The following BANK1 variants were observed in gnomAD, a reference collection of about 807,000 sequenced individuals.
BANK1 encodes the protein B-cell scaffold protein with ankyrin repeats.
BANK1 carries 95 observed loss-of-function variants against 94.5 expected under a neutral mutation model. The ratio of observed to expected loss-of-function variants is 1.00; its 90% confidence interval spans 0.85 to 1.19. The LOEUF is 1.19. BANK1 is among the 50% of genes most tolerant of loss of function. The probability of loss-of-function intolerance (pLI) is 0.00; values close to 1 mark genes in which losing one functional copy is unlikely to be tolerated. For missense variants in BANK1, 987 were observed against 932.2 expected (o/e 1.06, Z -0.77); for synonymous variants, 334 against 308.4 (o/e 1.08, Z -0.87).
At chr4:101,988,039 T>A (rs1466571271) in intron 7 of BANK1, among the ~76,000 whole-genome samples, 2 of 152,176 alleles carry the variant, frequency 1.3e-5, no homozygotes, top group Non-Finnish European at 2.9e-5. Context: ...CACATCACAG[T>A]GACACATTGA....
At chr4:102,036,840 G>A (rs1313768005) in intron 10 of BANK1, 3 of 152,136 alleles carry the variant, frequency 2.0e-5, no homozygotes, top group African/African-American at 7.2e-5. Context: ...CAGACCATCT[G>A]TTAGCATGTT....
intron 6 of BANK1, among the ~76,000 whole-genome samples, chr4:101,899,295 G>A (rs990707588): frequency 2.0e-5 from 3 of 152,124 alleles, no homozygotes; most frequent in African/African-American, 7.2e-5. Context: ...AGGGATTGAT[G>A]TATACATAAG....
chr4:101,809,013 A>G (rs566218265), intron 1 of BANK1, among the ~76,000 whole-genome samples: 1 of 152,290 alleles, frequency 6.6e-6, no homozygotes, highest in Non-Finnish European at 1.5e-5. Flanking sequence ...ACCCAAAGGA[A>G]AAGAAGTCAT....
intron 3 of BANK1, among the ~76,000 whole-genome samples, chr4:101,855,514 T>C (rs1019236666): frequency 5.3e-5 from 8 of 152,220 alleles, no homozygotes; most frequent in African/African-American, 1.7e-4. Flanking sequence ...CACTGGATGA[T>C]AGTTGAATTA....
chr4:101,976,856 C>G (rs1410286526), intron 7 of BANK1: 2 of 152,064 alleles, frequency 1.3e-5, no homozygotes, highest in African/African-American at 4.8e-5. Flanking sequence ...ATTTTGTATG[C>G]AAGCTGAATC....
chr4:102,062,106 T>C (rs1008115056), intron 12 of BANK1: 2 of 152,210 alleles, frequency 1.3e-5, no homozygotes, highest in African/African-American at 4.8e-5. Flanking sequence ...TGGAAAAGTA[T>C]TTGTTTGTAT....
rs199632800 is a variant in BANK1 at position 102,055,948 on chromosome 4, G to GA, written c.1970-4254dup. ...GAAGAATTGAAAGGTAATCACTTGGGAAAAAAAAAGATTAGGGCAGGACTA... is the reference window on the plus strand; with the variant it reads ...GAAGAATTGAAAGGTAATCACTTGGGAAAAAAAAAAGATTAGGGCAGGACTA... On this transcript the variant is annotated intron_variant, in intron 11 of 16. Transcript: ENST00000322953. 5.9e-3 allele frequency among the ~76,000 whole-genome samples: 883 copies of GA among 150,546 alleles called. 24 individuals are homozygous for GA. In the East Asian group the frequency reaches 0.066, roughly 11 times the overall value.
At chr4:101,845,169 T>C (rs1578352100) in intron 2 of BANK1, among the ~76,000 whole-genome samples, 1 of 152,256 alleles carries the variant, frequency 6.6e-6, no homozygotes, top group Admixed American at 6.5e-5. Context: ...GATGTGATTA[T>C]TATGTATTGC....
intron 7 of BANK1, among the ~76,000 whole-genome samples, chr4:101,986,853 ATG>A (rs1560668244): frequency 1.3e-4 from 9 of 68,488 alleles, no homozygotes; most frequent in African/African-American, 4.6e-4. Context: ...GTGTATATAT[ATG>A]TATATATATA....
At chr4:102,037,269 T>C (rs2148953581) in intron 10 of BANK1, among the ~76,000 whole-genome samples, 1 of 152,298 alleles carries the variant, frequency 6.6e-6, no homozygotes, top group South Asian at 2.1e-4. Context: ...GACAGCCCCA[T>C]AACAAAGAAT....
intron 5 of BANK1, among the ~76,000 whole-genome samples, chr4:101,882,189 AAT>A (rs929469398): frequency 6.6e-6 from 1 of 152,114 alleles, no homozygotes; most frequent in East Asian, 1.9e-4. Context: ...GTCCCCCATA[AAT>A]ATATATACCT....
At chr4:102,011,171 A>C (rs1726501522) in intron 7 of BANK1, among the ~76,000 whole-genome samples, 1 of 152,192 alleles carries the variant, frequency 6.6e-6, no homozygotes, top group African/African-American at 2.4e-5. Flanking sequence ...AACAAGGAAA[A>C]TTTCCCCAAA....
intron 5 of BANK1, among the ~76,000 whole-genome samples, chr4:101,880,525 C>G (rs533301323): frequency 6.6e-6 from 1 of 152,088 alleles, no homozygotes; most frequent in African/African-American, 2.4e-5. Flanking sequence ...AGATTCAATG[C>G]AATCCTATCA....
At chr4:101,908,151 A>T (rs938809552) in intron 6 of BANK1, among the ~76,000 whole-genome samples, 5 of 152,224 alleles carry the variant, frequency 3.3e-5, no homozygotes, top group Non-Finnish European at 7.3e-5. Context: ...CCTGACTTCA[A>T]ACTGTCCTAC....
chr4:101,902,269 C>T (rs7694392), intron 6 of BANK1, among the ~76,000 whole-genome samples: 121,234 of 152,160 alleles, frequency 0.8, 49,257 homozygotes, highest in Non-Finnish European at 0.89. Context: ...TTATCTTCCT[C>T]GTGATCATTA....
intron 7 of BANK1, among the ~76,000 whole-genome samples, chr4:101,977,853 T>C (rs1489989813): frequency 6.6e-6 from 1 of 152,200 alleles, no homozygotes; most frequent in Non-Finnish European, 1.5e-5. Context: ...TTAGTGTGCA[T>C]GAAGATGTAT....
intron 2 of BANK1, among the ~76,000 whole-genome samples, chr4:101,846,838 A>G (rs939876774): frequency 2.6e-5 from 4 of 152,174 alleles, no homozygotes. Flanking sequence ...GAGCCAAACC[A>G]TATCTAGTAG....
At chr4:102,044,179 C>G (rs912145842) in intron 11 of BANK1, among the ~76,000 whole-genome samples, 7 of 152,102 alleles carry the variant, frequency 4.6e-5, no homozygotes, top group African/African-American at 7.2e-5. Flanking sequence ...TATCCCTCCC[C>G]ACTCCCCTCA....
chr4:101,907,484 A>G (rs1169019921), intron 6 of BANK1, among the ~76,000 whole-genome samples: 2 of 152,340 alleles, frequency 1.3e-5, no homozygotes, highest in East Asian at 3.9e-4. Context: ...ATTCCCTTTG[A>G]AAACTGGCAA....
Sources: gnomAD v4.1 joint callset for allele counts (sites outside exome capture counted in the v4.1 genomes callset) on GRCh38, gnomAD v4.1.1 for gene constraint, MANE v1.5 for transcripts, NCBI Gene and HGNC (gene_info 2026-07-23, HGNC 2026-07-21) for gene names.